SNX25: variants seen among roughly 807,000 people sequenced by gnomAD.
SNX25 encodes the protein sorting nexin 25.
Under a neutral mutation model 113.7 loss-of-function variants are expected in SNX25, and 62 were observed. The ratio of observed to expected loss-of-function variants is 0.55; its 90% confidence interval spans 0.44 to 0.67. SNX25 has a LOEUF of 0.67. Among genes scored for constraint, SNX25 ranks in the 30% least tolerant of loss-of-function variants. The probability of loss-of-function intolerance (pLI) is 0.00; values close to 1 mark genes in which losing one functional copy is unlikely to be tolerated. For missense variants in SNX25, 1,014 were observed against 1,161.0 expected, an observed-to-expected ratio of 0.87 and a Z score of 1.84; for synonymous variants, 421 against 436.2, an observed-to-expected ratio of 0.97 and a Z score of 0.43.
At chr4:185,327,984 T>C (rs1026528997) in intron 9 of SNX25, among the ~76,000 whole-genome samples, 11 of 152,236 alleles carry the variant, frequency 7.2e-5, no homozygotes, top group Admixed American at 7.2e-4. Flanking sequence ...CTGATCTTAC[T>C]GTACCAGTAA....
intron 1 of SNX25, among the ~76,000 whole-genome samples, chr4:185,235,466 A>C (rs1742479427): frequency 6.6e-6 from 1 of 152,206 alleles, no homozygotes; most frequent in Admixed American, 6.5e-5. Context: ...AGGGTTGGCC[A>C]AAGAGGCTGA....
chr4:185,249,771 T>A (rs1319942109), intron 2 of SNX25, among the ~76,000 whole-genome samples: 1 of 152,182 alleles, frequency 6.6e-6, no homozygotes, highest in Non-Finnish European at 1.5e-5. Context: ...GTGTAGAATT[T>A]CCATTTGGTT....
rs116147647 is a variant in SNX25, at chr4:185,280,335, G to T, written c.1092-7677G>T. Among the ~76,000 whole-genome samples, 585 of 152,284 alleles carry T rather than the reference G, an allele frequency of 3.8e-3. 2 individuals carry two copies. Among genetic ancestry groups the T allele is most frequent in the African/African-American group, 0.013 (537 of 41,552 alleles). ...AATACCATATATTGGTAATGGTGTAGCATTAGCATATTTAATTGTGCTGGA... is the reference window on the plus strand; with the variant it reads ...AATACCATATATTGGTAATGGTGTATCATTAGCATATTTAATTGTGCTGGA... On this transcript the variant is annotated intron_variant, in intron 5 of 18. Transcript: ENST00000652585.
At chr4:185,349,511 C>T (rs2095305131) in intron 13 of SNX25, among the ~76,000 whole-genome samples, 1 of 152,120 alleles carries the variant, frequency 6.6e-6, no homozygotes, top group Admixed American at 6.5e-5. Flanking sequence ...AATGACTGTA[C>T]TAATTTACAA....
At chr4:185,344,383 A>C (rs375440639) in intron 12 of SNX25, among the ~76,000 whole-genome samples, 51 of 152,184 alleles carry the variant, frequency 3.4e-4, no homozygotes, top group Non-Finnish European at 6.3e-4. Flanking sequence ...CTGGTGAAGC[A>C]TCCGGCGCCA....
intron 16 of SNX25, among the ~76,000 whole-genome samples, chr4:185,359,757 A>G (rs1425376656): frequency 6.6e-6 from 1 of 152,224 alleles, no homozygotes; most frequent in African/African-American, 2.4e-5. Flanking sequence ...AGTGTCAGCA[A>G]ATCATGCATG....
intron 8 of SNX25, among the ~76,000 whole-genome samples, chr4:185,322,276 C>CA (rs1199432890): frequency 1.3e-5 from 2 of 152,074 alleles, no homozygotes; most frequent in Admixed American, 1.3e-4. Context: ...ACTAAAAATA[C>CA]AAAAATTAGC....
chr4:185,258,557 T>C (rs1746781778), intron 2 of SNX25, among the ~76,000 whole-genome samples: 1 of 152,156 alleles, frequency 6.6e-6, no homozygotes, highest in Non-Finnish European at 1.5e-5. Flanking sequence ...TGCCACTACA[T>C]AAGATGCTCT....
At chr4:185,351,712 G>C in intron 14 of SNX25, 103 bp downstream of exon 14, 2 of 1,231,726 alleles carry the variant, frequency 1.6e-6, no homozygotes, top group Non-Finnish European at 2.2e-6. Flanking sequence ...TCAGTCATTA[G>C]CACTGTCACA....
chr4:185,272,244 C>T (rs560846456), intron 5 of SNX25, among the ~76,000 whole-genome samples: 2 of 152,248 alleles, frequency 1.3e-5, no homozygotes, highest in Non-Finnish European at 2.9e-5. Context: ...TGAGGGATGC[C>T]ACAATCAAGG....
At chr4:185,351,894 G>A (rs749800039) in intron 14 of SNX25, among the ~76,000 whole-genome samples, 3 of 149,594 alleles carry the variant, frequency 2.0e-5, no homozygotes, top group African/African-American at 5.0e-5. Flanking sequence ...GGCCAAGTGC[G>A]GGCCGTCATT....
At chr4:185,324,569 C>T (rs991962765) in intron 9 of SNX25, among the ~76,000 whole-genome samples, 5 of 151,880 alleles carry the variant, frequency 3.3e-5, no homozygotes, top group Admixed American at 6.6e-5. Flanking sequence ...TCACATCTCT[C>T]TGGCTGGAGG....
In SNX25 at chr4:185,323,713, A is replaced by G; in HGVS notation, c.1662A>G (p.Ser554=). 1 of 1,613,776 alleles carries G rather than the reference A, an allele frequency of 6.2e-7. No homozygotes were observed. Among genetic ancestry groups the G allele is most frequent in the South Asian group, 1.1e-5 (1 of 91,058 alleles). ...CCCTAAAGGATAGGTATTACCCTTC[A>G]TTTATTGTCAGTGACCTGTATGAGA... ...YETLKDRYYP[S]FIVSDLYEKL... Residue 554 remains serine, a synonymous_variant, in exon 9 of 19, where the codon TCA becomes TCG. Transcript: ENST00000652585.
intron 7 of SNX25, among the ~76,000 whole-genome samples, chr4:185,317,620 A>G (rs748236969): frequency 1.1e-4 from 16 of 152,286 alleles, no homozygotes; most frequent in Admixed American, 5.2e-4. Context: ...GCACATATAC[A>G]CCATGGAGTA....
At chr4:185,270,079 CAAAA>C (rs35691426) in intron 5 of SNX25, among the ~76,000 whole-genome samples, 4 of 123,476 alleles carry the variant, frequency 3.2e-5, no homozygotes, top group Non-Finnish European at 3.5e-5. Context: ...AGAAGTAGCT[CAAAA>C]AAAAAAAAAA....
At chr4:185,374,559 A>G (rs1217428930), downstream of SNX25, 26 of 1,271,002 alleles carry the variant, frequency 2.0e-5, 1 homozygote, top group East Asian at 4.9e-4. Context: ...GCCCTCTGAC[A>G]CGATGTATAA....
chr4:185,286,236 C>A (rs534157593), intron 5 of SNX25, among the ~76,000 whole-genome samples: 23 of 152,172 alleles, frequency 1.5e-4, no homozygotes, highest in Non-Finnish European at 3.2e-4. Flanking sequence ...CTGCCTCAGC[C>A]TCCATAGTAG....
Position 185,312,344 on chromosome 4 carries a change from T to G in SNX25, c.1344+1528T>G, listed in dbSNP as rs376471240. Among the ~76,000 whole-genome samples, 19 of 152,264 alleles carry G rather than the reference T, an allele frequency of 1.2e-4. No homozygotes were observed. In the East Asian group the frequency reaches 1.7e-3, roughly 14 times the overall value. Reference sequence around the variant, plus strand: ...ATAAATACCTAGGAGAAGCACATAATGGCTTGCTACCTAGTCAAAAGATGA... The same window carrying G: ...ATAAATACCTAGGAGAAGCACATAAGGGCTTGCTACCTAGTCAAAAGATGA... On this transcript the variant is annotated intron_variant, in intron 7 of 18. Coordinates refer to ENST00000652585, the MANE Select transcript of SNX25 (RefSeq NM_001378034.2).
chr4:185,287,745 A>G (rs1403889885), intron 5 of SNX25, among the ~76,000 whole-genome samples: 1 of 152,196 alleles, frequency 6.6e-6, no homozygotes, highest in Non-Finnish European at 1.5e-5. Context: ...CAGAGTTTCT[A>G]CAGGTAGTTA....
Sources: allele counts gnomAD v4.1 joint callset (sites outside exome capture counted in the v4.1 genomes callset), GRCh38; gene constraint gnomAD v4.1.1; transcripts MANE v1.5; gene names NCBI Gene and HGNC (gene_info 2026-07-23, HGNC 2026-07-21).